ARB2A: variants seen among roughly 807,000 people sequenced by gnomAD.
The protein encoded by ARB2A is cotranscriptional regulator ARB2A.
chr5:93,703,172 A>T, the ARB2A span, among the ~76,000 whole-genome samples: 2 of 152,196 alleles, frequency 1.3e-5, no homozygotes, highest in Non-Finnish European at 2.9e-5. Flanking sequence ...TATATTTGTA[A>T]GTATACAATA....
the ARB2A span, among the ~76,000 whole-genome samples, chr5:93,966,634 T>A: frequency 5.3e-5 from 8 of 152,084 alleles, no homozygotes; most frequent in Non-Finnish European, 1.2e-4. Flanking sequence ...CAACCATAGA[T>A]GAAATCATCT....
the ARB2A span, among the ~76,000 whole-genome samples, chr5:93,660,275 T>C: frequency 6.6e-6 from 1 of 152,246 alleles, no homozygotes; most frequent in Non-Finnish European, 1.5e-5. Context: ...GTTACCTAGA[T>C]GGTAACTCGT....
the ARB2A span, among the ~76,000 whole-genome samples, chr5:93,776,447 T>C: frequency 3.9e-5 from 6 of 152,288 alleles, no homozygotes; most frequent in African/African-American, 1.4e-4. Context: ...TGTTTGTTCG[T>C]TTTACTATTC....
chr5:93,689,344 T>C, the ARB2A span, among the ~76,000 whole-genome samples: 1 of 152,220 alleles, frequency 6.6e-6, no homozygotes, highest in Non-Finnish European at 1.5e-5. Context: ...GCACCTAGTA[T>C]AGAACCTGGC....
At chr5:93,658,252 T>C in the ARB2A span, among the ~76,000 whole-genome samples, 4 of 152,160 alleles carry the variant, frequency 2.6e-5, no homozygotes, top group Non-Finnish European at 5.9e-5. Context: ...AAGACAATAA[T>C]ATTTAAGTGA....
chr5:93,629,237 C>T, the ARB2A span, among the ~76,000 whole-genome samples: 1 of 152,152 alleles, frequency 6.6e-6, no homozygotes, highest in South Asian at 2.1e-4. Context: ...TATCAATTAA[C>T]TTTGCCATCT....
chr5:93,885,509 A>T, the ARB2A span, among the ~76,000 whole-genome samples: 1 of 151,652 alleles, frequency 6.6e-6, no homozygotes, highest in African/African-American at 2.4e-5. Flanking sequence ...AACTAAATAA[A>T]TAAAACTTCT....
chr5:93,806,234 T>G, the ARB2A span, among the ~76,000 whole-genome samples: 1 of 151,974 alleles, frequency 6.6e-6, no homozygotes, highest in Admixed American at 6.6e-5. Flanking sequence ...CTTAAGTACT[T>G]GAAGAGGTTT....
the ARB2A span, among the ~76,000 whole-genome samples, chr5:93,768,496 C>A: frequency 2.0e-5 from 3 of 149,454 alleles, no homozygotes; most frequent in Admixed American, 6.7e-5. Context: ...TAAAAGTATA[C>A]GCTATATATA....
the ARB2A span, among the ~76,000 whole-genome samples, chr5:93,925,512 G>C: frequency 6.6e-6 from 1 of 152,140 alleles, no homozygotes; most frequent in Admixed American, 6.5e-5. Flanking sequence ...TTAGGGTCCT[G>C]GGTATGTGGG....
the ARB2A span, among the ~76,000 whole-genome samples, chr5:93,654,007 C>T: frequency 3.3e-4 from 51 of 152,262 alleles, no homozygotes; most frequent in African/African-American, 9.9e-4. Context: ...AATTTAGTTC[C>T]GTTCAATAAA....
the ARB2A span, among the ~76,000 whole-genome samples, chr5:93,767,215 G>A: frequency 6.6e-6 from 1 of 152,134 alleles, no homozygotes; most frequent in South Asian, 2.1e-4. Context: ...TCAACAAGGG[G>A]GCTAAGGATA....
At chr5:94,088,518 A>G in the ARB2A span, among the ~76,000 whole-genome samples, 2 of 152,100 alleles carry the variant, frequency 1.3e-5, no homozygotes, top group Non-Finnish European at 2.9e-5. Context: ...GTATCTCTAC[A>G]AAAAATTTAA....
chr5:93,795,271 G>C, the ARB2A span, among the ~76,000 whole-genome samples: 1 of 151,814 alleles, frequency 6.6e-6, no homozygotes, highest in Admixed American at 6.6e-5. Flanking sequence ...GCTCCCATGC[G>C]GCCCACAGTC....
chr5:93,854,453 C>A, the ARB2A span, among the ~76,000 whole-genome samples: 23 of 152,098 alleles, frequency 1.5e-4, no homozygotes, highest in Non-Finnish European at 2.8e-4. Flanking sequence ...GTCTCTATTT[C>A]CTTCAGTTCT....
At chr5:93,683,794 A>G in the ARB2A span, 1 of 1,282,628 alleles carries the variant, frequency 7.8e-7, no homozygotes, top group Non-Finnish European at 1.1e-6. Flanking sequence ...ACAGCCGCGC[A>G]GGACGGAATC....
At chr5:93,754,980 C>T in the ARB2A span, among the ~76,000 whole-genome samples, 3 of 152,104 alleles carry the variant, frequency 2.0e-5, no homozygotes, top group Non-Finnish European at 2.9e-5. Context: ...TCCGTATAAA[C>T]AGAAATAGAA....
the ARB2A span, among the ~76,000 whole-genome samples, chr5:94,102,681 C>T: frequency 1.3e-5 from 2 of 151,998 alleles, no homozygotes; most frequent in Non-Finnish European, 2.9e-5. Context: ...CTGTAAGATG[C>T]TATTCAAGAC....
chr5:94,081,951 A>G, the ARB2A span, among the ~76,000 whole-genome samples: 1 of 152,116 alleles, frequency 6.6e-6, no homozygotes, highest in African/African-American at 2.4e-5. Flanking sequence ...CTTCAGGCAG[A>G]CTCATTTAAA....
Sources: allele counts gnomAD v4.1 joint callset (sites outside exome capture counted in the v4.1 genomes callset), GRCh38; gene constraint gnomAD v4.1.1; transcripts MANE v1.5; gene names NCBI Gene and HGNC (gene_info 2026-07-23, HGNC 2026-07-21).